SEMA3A: variants seen among roughly 807,000 people sequenced by gnomAD.
SEMA3A encodes the protein semaphorin-3A.
In SEMA3A, 29 loss-of-function variants were observed where a neutral mutation model predicts 97.9. The ratio of observed to expected loss-of-function variants is 0.30; its 90% CI spans 0.22 to 0.40. The LOEUF (loss-of-function observed/expected upper bound fraction) is 0.40, where lower values mean the gene tolerates loss of function less well. SEMA3A is among the 10% of genes least tolerant of loss of function. The pLI is 1.00. For synonymous variants in SEMA3A, 321 were observed against 323.7 expected, an observed-to-expected ratio of 0.99 and a Z score of 0.09; for missense variants, 763 against 951.3, an observed-to-expected ratio of 0.80 and a Z score of 2.60.
chr7:84,049,692 G>A (rs935023713), intron 5 of SEMA3A, among the ~76,000 whole-genome samples: 7 of 150,694 alleles, frequency 4.6e-5, no homozygotes, highest in Non-Finnish European at 8.9e-5. Flanking sequence ...CAAATTATAT[G>A]TTGATTCTTT....
chr7:84,460,403 C>A (rs1164123323), intron 1 of SEMA3A, among the ~76,000 whole-genome samples: 23 of 148,936 alleles, frequency 1.5e-4, no homozygotes, highest in Admixed American at 1.5e-3. Flanking sequence ...AATCAATTCT[C>A]AGAAAAAAAA....
Position 83,963,356 on chromosome 7 carries a change from T to C in SEMA3A, c.1718-9A>G, listed in dbSNP as rs751424068. 1 of 1,604,150 alleles carries C rather than the reference T, an allele frequency of 6.2e-7. No homozygotes were observed. The highest frequency in any genetic ancestry group is 2.2e-5 in the East Asian group (1 of 44,698). Reference sequence around the variant, plus strand: ...GTGGCCATGGTGATTATCTGGCCAGTGATGAGAAAATGCAATGAGAAAATA... The same window carrying C: ...GTGGCCATGGTGATTATCTGGCCAGCGATGAGAAAATGCAATGAGAAAATA... On this transcript the variant is annotated splice_polypyrimidine_tract_variant and intron_variant, in intron 15 of 16. Transcript: ENST00000265362.
At chr7:84,444,564 C>CTTTTTTTTTTTTT (rs201008229) in intron 1 of SEMA3A, among the ~76,000 whole-genome samples, 2 of 138,804 alleles carry the variant, frequency 1.4e-5, no homozygotes, top group Non-Finnish European at 1.6e-5. Context: ...TTCTTTTTTT[C>CTTTTTTTTTTTTT]TTTTTTTTTT....
chr7:84,069,879 T>C (rs1793676318), intron 4 of SEMA3A, among the ~76,000 whole-genome samples: 2 of 152,148 alleles, frequency 1.3e-5, no homozygotes, highest in Non-Finnish European at 2.9e-5. Context: ...TGTGAAGGTA[T>C]TGAATTATCA....
chr7:84,016,397 G>C (rs995590720), intron 6 of SEMA3A, among the ~76,000 whole-genome samples: 4 of 152,004 alleles, frequency 2.6e-5, no homozygotes, highest in African/African-American at 4.8e-5. Context: ...AATTAGCCGA[G>C]CGTGGTGGCG....
At chr7:84,120,597 C>T (rs1180285665) in intron 3 of SEMA3A, among the ~76,000 whole-genome samples, 1 of 152,124 alleles carries the variant, frequency 6.6e-6, no homozygotes, top group African/African-American at 2.4e-5. Flanking sequence ...TAAGATAAGG[C>T]ATTTACTGGC....
chr7:84,234,580 A>C (rs565995153), intron 3 of SEMA3A, among the ~76,000 whole-genome samples: 1 of 152,112 alleles, frequency 6.6e-6, no homozygotes, highest in African/African-American at 2.4e-5. Flanking sequence ...CAAACTGAGG[A>C]GTCTTTGAAC....
chr7:84,381,412 C>G (rs1180132461), intron 1 of SEMA3A, among the ~76,000 whole-genome samples: 1 of 152,136 alleles, frequency 6.6e-6, no homozygotes, highest in Non-Finnish European at 1.5e-5. Flanking sequence ...GATGGGAAAA[C>G]AGGTGGACTG....
intron 1 of SEMA3A, among the ~76,000 whole-genome samples, chr7:84,462,990 T>C (rs756858283): frequency 3.9e-5 from 6 of 152,148 alleles, no homozygotes; most frequent in Non-Finnish European, 8.8e-5. Flanking sequence ...CTTCCTCTTA[T>C]AGTTAGAAAT....
Position 84,001,976 on chromosome 7 carries a change from C to T in SEMA3A, c.1431G>A (p.Leu477=). The change falls in exon 12 of 17, where the codon CTG becomes CTA. Residue 477 remains leucine (L), a synonymous_variant. Coordinates refer to ENST00000265362, the MANE Select transcript of SEMA3A (RefSeq NM_006080.3). ...ETWYDLEEVL[L]EEMTVFREPT... ...TCACCCGAAAAACTGTCATTTCTTC[C>T]AGCAGAACCTCTTCTAAATCATACC... is the stretch of plus-strand genomic sequence containing the variant. 1.2e-6 allele frequency: 2 copies of T among 1,612,372 alleles called. No homozygotes were observed. Among genetic ancestry groups the T allele is most frequent in the Non-Finnish European group, 8.5e-7 (1 of 1,178,882 alleles).
chr7:83,970,540 T>C (rs981182431), intron 15 of SEMA3A, among the ~76,000 whole-genome samples: 17 of 152,220 alleles, frequency 1.1e-4, no homozygotes, highest in African/African-American at 2.4e-4. Context: ...TTTGATGTTA[T>C]GTAGAGAAGA....
At chr7:84,348,486 G>C (rs989736322) in intron 2 of SEMA3A, among the ~76,000 whole-genome samples, 1 of 152,104 alleles carries the variant, frequency 6.6e-6, no homozygotes, top group Non-Finnish European at 1.5e-5. Flanking sequence ...TTTCAGAAGA[G>C]AAACAATCAT....
At chr7:84,439,986 T>C (rs1223388609) in intron 1 of SEMA3A, among the ~76,000 whole-genome samples, 1 of 152,218 alleles carries the variant, frequency 6.6e-6, no homozygotes, top group Admixed American at 6.5e-5. Flanking sequence ...TTAGGCACTA[T>C]ACTTGATAAG....
chr7:84,271,193 G>A (rs2115703344), intron 3 of SEMA3A, among the ~76,000 whole-genome samples: 1 of 151,388 alleles, frequency 6.6e-6, no homozygotes, highest in African/African-American at 2.4e-5. Context: ...TCATTTTAAT[G>A]TTCGTATTTT....
At chr7:84,488,962 C>T (rs1806652319) in intron 1 of SEMA3A, 1 of 152,120 alleles carries the variant, frequency 6.6e-6, no homozygotes, top group Non-Finnish European at 1.5e-5. Flanking sequence ...GTTGGGGTAG[C>T]ATCTTCCCTC....
At chr7:84,385,780 T>G (rs1208674247) in intron 1 of SEMA3A, among the ~76,000 whole-genome samples, 2 of 152,212 alleles carry the variant, frequency 1.3e-5, no homozygotes, top group Non-Finnish European at 2.9e-5. Flanking sequence ...GACACTTATC[T>G]GTAAAGACCT....
intron 1 of SEMA3A, chr7:84,372,099 T>C (rs62472628): frequency 0.014 from 2,115 of 152,150 alleles, 21 homozygotes; most frequent in Non-Finnish European, 0.023. Flanking sequence ...CACTAGGCAC[T>C]CAGAGCACTA....
intron 1 of SEMA3A, among the ~76,000 whole-genome samples, chr7:84,400,969 G>T (rs936790472): frequency 5.9e-5 from 9 of 152,116 alleles, no homozygotes; most frequent in African/African-American, 1.9e-4. Context: ...ACAAGAAAAG[G>T]TTTCCTACTT....
intron 1 of SEMA3A, among the ~76,000 whole-genome samples, chr7:84,174,575 G>T (rs181513473): frequency 1.8e-4 from 27 of 152,296 alleles, no homozygotes; most frequent in Admixed American, 1.8e-3. Context: ...TTTTGCAACA[G>T]TTACTATTTA....
Sources: gnomAD v4.1 joint callset for allele counts (sites outside exome capture counted in the v4.1 genomes callset) on GRCh38, gnomAD v4.1.1 for gene constraint, MANE v1.5 for transcripts, NCBI Gene and HGNC (gene_info 2026-07-23, HGNC 2026-07-21) for gene names.